Variants in C12orf42 observed in about 807,000 individuals in gnomAD.
C12orf42 encodes the protein uncharacterized protein C12orf42.
A neutral mutation model predicts 21.6 loss-of-function variants in C12orf42; 25 were observed. That is an observed-to-expected ratio of 1.16 (90% confidence interval 0.84 to 1.62). The LOEUF is 1.62. Ranked by LOEUF, C12orf42 falls within the 40% of genes most tolerant of loss-of-function variation. The pLI, the probability that C12orf42 is intolerant of heterozygous loss-of-function variation, is 0.00. For synonymous variants in C12orf42, 174 were observed against 175.0 expected (o/e 0.99, Z 0.05); for missense variants, 483 against 459.3 (o/e 1.05, Z -0.47).
At chr12:103,165,876 A>G in the C12orf42 span, among the ~76,000 whole-genome samples, 2 of 152,002 alleles carry the variant, frequency 1.3e-5, no homozygotes, top group African/African-American at 4.8e-5. Context: ...CCCCATCTCT[A>G]CTAAAAATAC....
At chr12:103,411,333 T>G (rs930496148) in intron 2 of C12orf42, among the ~76,000 whole-genome samples, 6 of 152,258 alleles carry the variant, frequency 3.9e-5, no homozygotes, top group Non-Finnish European at 5.9e-5. Flanking sequence ...AATTTTATTA[T>G]GCAAAACTGT....
intron 4 of C12orf42, among the ~76,000 whole-genome samples, chr12:103,319,555 A>C (rs534826170): frequency 6.6e-6 from 1 of 152,394 alleles, no homozygotes; most frequent in East Asian, 1.9e-4. Context: ...CTATTCTTGC[A>C]TTAAAGCAAC....
chr12:103,434,107 C>G (rs1950473436), intron 2 of C12orf42, among the ~76,000 whole-genome samples: 1 of 152,174 alleles, frequency 6.6e-6, no homozygotes, highest in Admixed American at 6.5e-5. Context: ...CAAGGTCATT[C>G]AGTCAGGAAA....
At chr12:103,316,213 ATT>A (rs1409682278) in intron 4 of C12orf42, among the ~76,000 whole-genome samples, 1 of 125,160 alleles carries the variant, frequency 8.0e-6, no homozygotes, top group Non-Finnish European at 1.6e-5. Flanking sequence ...CACTATTTTT[ATT>A]TGTCAATTTT....
At chr12:103,461,964 C>G (rs1592915785) in intron 2 of C12orf42, among the ~76,000 whole-genome samples, 2 of 151,886 alleles carry the variant, frequency 1.3e-5, no homozygotes, top group East Asian at 3.9e-4. Context: ...TAATATTGGA[C>G]TCTTTGGCAC....
the C12orf42 span, among the ~76,000 whole-genome samples, chr12:103,139,157 C>CT: frequency 6.6e-6 from 1 of 152,198 alleles, no homozygotes; most frequent in African/African-American, 2.4e-5. Context: ...AGCCCAAGCT[C>CT]TGCCCTTTAT....
Position 103,302,355 on chromosome 12 carries a change from G to A in C12orf42, c.836C>T (p.Ala279Val). 6.2e-7 allele frequency: 1 copy of A among 1,613,920 alleles called. No homozygotes were observed. Among genetic ancestry groups the A allele is most frequent in the African/African-American group, 1.3e-5 (1 of 75,050 alleles). ...SGNPVGKGAV[A>V]MAPEMLPKHP... The stretch of plus-strand genomic sequence containing the variant: ...CTTGGGGAGCATCTCCGGCGCCATG[G>A]CAACCGCGCCTTTTCCGACGGGATT... Residue 279 changes from alanine (A) to valine (V), a missense_variant, in exon 6 of 6, where the codon GCC (alanine) becomes GTC (valine). Coordinates refer to ENST00000548883, the MANE Select transcript of C12orf42 (RefSeq NM_198521.5).
At chr12:103,368,168 G>T in intron 4 of C12orf42, 1 of 655,296 alleles carries the variant, frequency 1.5e-6, no homozygotes, top group Non-Finnish European at 2.4e-6. Context: ...ACAATGTTAT[G>T]GGGAATATAA....
At chr12:103,515,653 C>T in the C12orf42 span, among the ~76,000 whole-genome samples, 3 of 152,040 alleles carry the variant, frequency 2.0e-5, no homozygotes, top group South Asian at 6.2e-4. Flanking sequence ...AGGGGTGGTT[C>T]CAAAAAAATG....
the C12orf42 span, among the ~76,000 whole-genome samples, chr12:103,054,602 T>C: frequency 7.2e-5 from 11 of 151,848 alleles, no homozygotes; most frequent in Admixed American, 5.3e-4. Context: ...ATTAGAACTT[T>C]CAGCACTATA....
At chr12:103,078,445 A>G in the C12orf42 span, among the ~76,000 whole-genome samples, 458 of 152,318 alleles carry the variant, frequency 3.0e-3, 2 homozygotes, top group Non-Finnish European at 3.2e-3. Flanking sequence ...GGGGGATATG[A>G]TGTCATTGCT....
intron 10 of C12orf42, among the ~76,000 whole-genome samples, chr12:103,261,045 T>C (rs2034874619): frequency 6.6e-6 from 1 of 152,218 alleles, no homozygotes; most frequent in Non-Finnish European, 1.5e-5. Context: ...CTAAAAATTG[T>C]TCAAAATTTT....
chr12:103,425,118 G>A (rs1400289890), intron 2 of C12orf42, among the ~76,000 whole-genome samples: 7 of 152,214 alleles, frequency 4.6e-5, no homozygotes, highest in African/African-American at 1.7e-4. Context: ...AGCCACTGTA[G>A]CCAGACTGCC....
At chr12:103,296,641 T>C (rs574501233) in intron 4 of C12orf42, among the ~76,000 whole-genome samples, 1 of 152,352 alleles carries the variant, frequency 6.6e-6, no homozygotes, top group African/African-American at 2.4e-5. Context: ...CATGTGTCTT[T>C]TGGCTGCATA....
chr12:103,560,895 T>C, the C12orf42 span, among the ~76,000 whole-genome samples: 1 of 152,328 alleles, frequency 6.6e-6, no homozygotes, highest in South Asian at 2.1e-4. Flanking sequence ...TTCTCACATA[T>C]TTCATCCACA....
chr12:103,061,101 C>T, the C12orf42 span, among the ~76,000 whole-genome samples: 5 of 152,162 alleles, frequency 3.3e-5, no homozygotes, highest in African/African-American at 1.2e-4. Context: ...TGGTTCCTCT[C>T]AGGTGGGATT....
the C12orf42 span, among the ~76,000 whole-genome samples, chr12:103,528,108 T>A: frequency 6.6e-6 from 1 of 152,210 alleles, no homozygotes; most frequent in African/African-American, 2.4e-5. Context: ...ATGTAATAGA[T>A]TTCATGGGAT....
At chr12:103,130,698 A>G in the C12orf42 span, among the ~76,000 whole-genome samples, 1 of 152,150 alleles carries the variant, frequency 6.6e-6, no homozygotes, top group Non-Finnish European at 1.5e-5. Flanking sequence ...CAAGCCCAGG[A>G]GCTCCGTAGG....
chr12:103,540,653 C>A, the C12orf42 span, among the ~76,000 whole-genome samples: 1 of 152,144 alleles, frequency 6.6e-6, no homozygotes, highest in East Asian at 1.9e-4. Context: ...ATCCATTTAT[C>A]TCCAATCTTT....
Sources: allele counts gnomAD v4.1 joint callset (sites outside exome capture counted in the v4.1 genomes callset), GRCh38; gene constraint gnomAD v4.1.1; transcripts MANE v1.5; gene names NCBI Gene and HGNC (gene_info 2026-07-23, HGNC 2026-07-21).